The following PLCL2 variants were observed in gnomAD, a reference collection of about 807,000 sequenced individuals.
PLCL2 encodes phospholipase C like 2.
Under a neutral mutation model 79.6 loss-of-function variants are expected in PLCL2, and 4 were observed. That is an observed-to-expected ratio of 0.05 (90% confidence interval 0.02 to 0.11). The LOEUF (loss-of-function observed/expected upper bound fraction) is 0.11. PLCL2 is among the 10% of genes least tolerant of loss of function. The pLI is 1.00. For synonymous variants in PLCL2, 484 were observed against 457.7 expected (o/e 1.06, Z -0.73); for missense variants, 895 against 1,291.0 (o/e 0.69, Z 4.70).
intron 5 of PLCL2, among the ~76,000 whole-genome samples, chr3:17,074,087 G>T (rs767519650): frequency 6.6e-6 from 1 of 152,144 alleles, no homozygotes; most frequent in African/African-American, 2.4e-5. Context: ...ACTTTACCCC[G>T]ATTCATCAGA....
At chr3:17,038,403 C>T (rs1223721942) in intron 3 of PLCL2, among the ~76,000 whole-genome samples, 1 of 152,206 alleles carries the variant, frequency 6.6e-6, no homozygotes, top group Admixed American at 6.5e-5. Flanking sequence ...GAAATTCATG[C>T]ATTTGCATTA....
chr3:16,931,431 C>T (rs960065873), intron 1 of PLCL2, among the ~76,000 whole-genome samples: 1 of 152,004 alleles, frequency 6.6e-6, no homozygotes, highest in African/African-American at 2.4e-5. Context: ...CTCTCCTCTC[C>T]CTTAGAAAAA....
At chr3:17,054,593 G>T (rs1361665933) in intron 4 of PLCL2, among the ~76,000 whole-genome samples, 1 of 152,018 alleles carries the variant, frequency 6.6e-6, no homozygotes, top group Non-Finnish European at 1.5e-5. Context: ...AGAGAGTGGG[G>T]AGGTGCCATA....
Position 17,011,755 on chromosome 3 carries a change from C to G in PLCL2, c.2409C>G (p.His803Gln), listed in dbSNP as rs2064325638. ...DCAEQRTKTV[H>Q]QNGDAPIFDE... ...CAGAACAAAGGACAAAAACAGTGCA[C>G]CAGAATGGAGACGCTCCCATTTTTG... is the stretch of plus-strand genomic sequence containing the variant. Residue 803 changes from histidine (H) to glutamine (Q), a missense_variant, in exon 2 of 6, where the codon CAC becomes CAG. This residue lies in a region of PLCL2 where 298 missense variants were observed against 459.6 expected (regional missense o/e 0.65). Transcript: ENST00000615277. This position sits in a 1 kb window ranked among gnomAD's most constrained non-coding sequence, Gnocchi z 7.9. The G allele has an allele frequency of 1.9e-6, 3 of 1,614,120 alleles. No individual in the cohort carries two copies. The highest frequency in any genetic ancestry group is 2.7e-5 in the African/African-American group (2 of 75,036).
chr3:16,934,355 G>C (rs1405980400), intron 1 of PLCL2, among the ~76,000 whole-genome samples: 1 of 152,166 alleles, frequency 6.6e-6, no homozygotes, highest in Non-Finnish European at 1.5e-5. Flanking sequence ...CTGAGCCCTG[G>C]AGAATGTGAG....
intron 1 of PLCL2, among the ~76,000 whole-genome samples, chr3:16,973,497 T>A (rs2063895045): frequency 6.6e-6 from 1 of 152,132 alleles, no homozygotes; most frequent in African/African-American, 2.4e-5. Context: ...CTCTTTAAAC[T>A]ACATAAATTG....
At chr3:16,902,853 C>CGTGTGTGT (rs1219764598) in intron 1 of PLCL2, among the ~76,000 whole-genome samples, 86 of 42,272 alleles carry the variant, frequency 2.0e-3, no homozygotes, top group South Asian at 3.1e-3. Context: ...AAATGCAGTG[C>CGTGTGTGT]GTGTGTGTGT....
chr3:16,996,027 G>A (rs919006678), intron 1 of PLCL2, among the ~76,000 whole-genome samples: 37 of 152,176 alleles, frequency 2.4e-4, no homozygotes, highest in Admixed American at 2.1e-3. Flanking sequence ...TGAAAGGTTA[G>A]GACAGAGAAT....
At chr3:17,043,072 G>T (rs2064742828) in intron 4 of PLCL2, 123 bp downstream of exon 4, 2 of 678,192 alleles carry the variant, frequency 2.9e-6, no homozygotes, top group East Asian at 2.8e-5. Context: ...ATTTTTCTAT[G>T]GCTAAAGAAA....
At chr3:17,064,432 C>T (rs1354869640) in intron 4 of PLCL2, among the ~76,000 whole-genome samples, 1 of 152,056 alleles carries the variant, frequency 6.6e-6, no homozygotes, top group Non-Finnish European at 1.5e-5. Flanking sequence ...AGATTAAAAT[C>T]CTTCTTCACC....
chr3:16,969,260 A>G (rs1329027183), intron 1 of PLCL2, among the ~76,000 whole-genome samples: 2 of 152,120 alleles, frequency 1.3e-5, no homozygotes, highest in Non-Finnish European at 2.9e-5. Context: ...GCCTCATAGA[A>G]TGAGTTAGGA....
intron 5 of PLCL2, among the ~76,000 whole-genome samples, chr3:17,073,356 C>T (rs1159668030): frequency 6.6e-6 from 1 of 152,108 alleles, no homozygotes; most frequent in East Asian, 1.9e-4. Flanking sequence ...AATCAATGTA[C>T]ATAGCTTAAT....
intron 1 of PLCL2, among the ~76,000 whole-genome samples, chr3:16,962,508 T>C (rs1195748225): frequency 6.6e-5 from 10 of 152,164 alleles, no homozygotes; most frequent in Non-Finnish European, 1.5e-5. Flanking sequence ...GTCAATTGTT[T>C]TTAATAACCT....
intron 1 of PLCL2, among the ~76,000 whole-genome samples, chr3:16,988,555 G>A (rs958584902): frequency 4.6e-5 from 7 of 152,016 alleles, no homozygotes; most frequent in East Asian, 1.9e-4. Flanking sequence ...CAGTGGCATC[G>A]GTTGTCAAAA....
At chr3:17,033,502 A>G (rs1453840447) in intron 3 of PLCL2, among the ~76,000 whole-genome samples, 1 of 152,216 alleles carries the variant, frequency 6.6e-6, no homozygotes, top group Non-Finnish European at 1.5e-5. Flanking sequence ...TGAAAATTCA[A>G]ACTTGCTTGA....
intron 3 of PLCL2, among the ~76,000 whole-genome samples, chr3:17,021,126 A>G (rs1316446940): frequency 1.3e-5 from 2 of 152,196 alleles, no homozygotes; most frequent in African/African-American, 4.8e-5. Context: ...CAGATGGAAT[A>G]TTGTGCTTTG....
chr3:17,007,019 G>A (rs575930045), intron 1 of PLCL2, among the ~76,000 whole-genome samples: 1 of 152,286 alleles, frequency 6.6e-6, no homozygotes, highest in Non-Finnish European at 1.5e-5. Context: ...ATTTCTTAAT[G>A]GATCAGTGGA....
intron 1 of PLCL2, among the ~76,000 whole-genome samples, chr3:16,906,938 C>T (rs1696765032): frequency 6.6e-6 from 1 of 152,190 alleles, no homozygotes; most frequent in Non-Finnish European, 1.5e-5. Flanking sequence ...CCTGTGGTAA[C>T]TTGGAAGGTG....
In PLCL2 at chr3:16,966,204, C is replaced by A. The variant is rs112629377; in HGVS notation, c.328-43470C>A. On this transcript the variant is annotated intron_variant, in intron 1 of 5. Transcript: ENST00000615277. ...TGAGATACATCCCATCAATACTGAA[C>A]TTATTGAGAGTTTTTAGCATGAAAG... Among the ~76,000 whole-genome samples, 9 of 121,270 alleles carry A rather than the reference C, an allele frequency of 7.4e-5. 1 individual carries two copies. Among genetic ancestry groups the A allele is most frequent in the Admixed American group, 8.2e-5 (1 of 12,268 alleles). 79.6% of individuals were successfully genotyped at this position (121,270 alleles called of 152,430 possible). A position where few individuals can be genotyped will look rare whatever the true frequency, so the allele number is the denominator to read the frequency against.
Sources: gnomAD v4.1 joint callset for allele counts (sites outside exome capture counted in the v4.1 genomes callset) on GRCh38, gnomAD v4.1.1 for gene constraint, gnomAD v4.1.1 regional missense constraint, Gnocchi (gnomAD v3.1) non-coding constraint, MANE v1.5 for transcripts, NCBI Gene and HGNC (gene_info 2026-07-23, HGNC 2026-07-21) for gene names.